Variants in TIAM1 observed in about 807,000 individuals in gnomAD.
TIAM1 encodes the protein rho guanine nucleotide exchange factor TIAM1.
A neutral mutation model predicts 163.5 loss-of-function variants in TIAM1; 65 were observed. The ratio of observed to expected loss-of-function variants is 0.40; its 90% CI spans 0.33 to 0.49. The LOEUF (loss-of-function observed/expected upper bound fraction) is 0.49. TIAM1 is among the 20% of genes least tolerant of loss of function. TIAM1 has a pLI of 0.77. For missense variants in TIAM1, 1,789 were observed against 2,044.7 expected, an observed-to-expected ratio of 0.87 and a Z score of 2.41; for synonymous variants, 833 against 810.1, an observed-to-expected ratio of 1.03 and a Z score of -0.48.
intron 2 of TIAM1, among the ~76,000 whole-genome samples, chr21:31,404,194 C>G (rs1027500247): frequency 1.3e-5 from 2 of 152,132 alleles, no homozygotes; most frequent in Non-Finnish European, 2.9e-5. Context: ...CTTGAATTAT[C>G]CTTTTATCTT....
intron 13 of TIAM1, among the ~76,000 whole-genome samples, chr21:31,188,234 C>T (rs1333237768): frequency 6.6e-6 from 1 of 152,118 alleles, no homozygotes; most frequent in African/African-American, 2.4e-5. Context: ...ACCGTAACAC[C>T]CTCAGATAGG....
At chr21:31,386,550 G>A (rs1448861995) in intron 2 of TIAM1, among the ~76,000 whole-genome samples, 1 of 152,158 alleles carries the variant, frequency 6.6e-6, no homozygotes, top group Non-Finnish European at 1.5e-5. Flanking sequence ...CAGATGGGCC[G>A]CTAAGACACC....
intron 2 of TIAM1, among the ~76,000 whole-genome samples, chr21:31,308,286 T>C (rs144358243): frequency 1.5e-3 from 225 of 152,226 alleles, no homozygotes; most frequent in African/African-American, 5.2e-3. Context: ...ATGGTTCGTC[T>C]GCATGACCTT....
Position 31,196,329 on chromosome 21 carries a change from T to TC in TIAM1, c.2494-1025dup, listed in dbSNP as rs201544756. 4.7e-3 allele frequency among the ~76,000 whole-genome samples: 709 copies of TC among 151,482 alleles called. 8 individuals carry two copies. Among genetic ancestry groups the TC allele is most frequent in the African/African-American group, 0.016 (670 of 41,264 alleles). The stretch of plus-strand genomic sequence containing the variant: ...TTTTCTTTTTTCTTTTTTTTTTTTT[T>TC]CACACGGAGTGTTGCTCTGTTGCCC... On this transcript the variant is annotated intron_variant, in intron 12 of 27. Transcript: ENST00000541036.
intron 2 of TIAM1, among the ~76,000 whole-genome samples, chr21:31,287,246 C>T (rs1215268144): frequency 4.6e-5 from 7 of 152,082 alleles, no homozygotes; most frequent in African/African-American, 1.4e-4. Context: ...TAAATAGCTA[C>T]GCTTAGGGCT....
chr21:31,405,560 A>G (rs562049763), intron 2 of TIAM1, among the ~76,000 whole-genome samples: 1 of 152,300 alleles, frequency 6.6e-6, no homozygotes, highest in Admixed American at 6.5e-5. Context: ...ACAGTTCCAC[A>G]TGGCTGGGGA....
At chr21:31,168,390 C>G (rs777507890) in intron 15 of TIAM1, among the ~76,000 whole-genome samples, 4 of 151,738 alleles carry the variant, frequency 2.6e-5, no homozygotes, top group African/African-American at 9.7e-5. Flanking sequence ...CCAGGCCCAG[C>G]CTGTTCCCTG....
intron 25 of TIAM1, 44 bp from the exon 26 acceptor site, chr21:31,127,196 G>A (rs1359958977): frequency 1.3e-6 from 2 of 1,578,132 alleles, no homozygotes; most frequent in Non-Finnish European, 8.7e-7. Context: ...TGTTTCAAGT[G>A]GATTTATTTA....
At chr21:31,394,408 T>C (rs145504916) in intron 2 of TIAM1, among the ~76,000 whole-genome samples, 127 of 152,294 alleles carry the variant, frequency 8.3e-4, no homozygotes, top group African/African-American at 2.8e-3. Flanking sequence ...ACTAATTCTG[T>C]GGGATACTAT....
rs137995214 is a variant in TIAM1 at position 31,225,115 on chromosome 21, G to C, written c.1809+611C>G. Among the ~76,000 whole-genome samples the C allele has an allele frequency of 1.2e-4, 18 of 152,056 alleles. No individual in the cohort carries two copies. The Middle Eastern group carries it at 0.01, about 86-fold the overall frequency. On this transcript the variant is annotated intron_variant, in intron 7 of 27. Transcript: ENST00000541036. ...GCCCACCGCACCCTCTGCCTCCCAG[G>C]CTCAGGCGATCCTCTCCTCTCGGCC... is the stretch of plus-strand genomic sequence containing the variant.
intron 6 of TIAM1, among the ~76,000 whole-genome samples, chr21:31,245,055 G>C (rs1468305219): frequency 6.6e-6 from 1 of 152,068 alleles, no homozygotes; most frequent in East Asian, 1.9e-4. Context: ...TCATTTCTGA[G>C]ATGTCATTAT....
At chr21:31,424,554 T>C (rs1302219277) in intron 2 of TIAM1, among the ~76,000 whole-genome samples, 1 of 152,180 alleles carries the variant, frequency 6.6e-6, no homozygotes, top group African/African-American at 2.4e-5. Context: ...AGAGAAATCC[T>C]GTGTGCTTCC....
At chr21:31,523,527 C>A (rs1210686291) in intron 1 of TIAM1, among the ~76,000 whole-genome samples, 1 of 152,200 alleles carries the variant, frequency 6.6e-6, no homozygotes, top group Non-Finnish European at 1.5e-5. Flanking sequence ...AGGGATACAG[C>A]CTGAAGCCTC....
chr21:31,310,436 T>C (rs2074881561), intron 2 of TIAM1, among the ~76,000 whole-genome samples: 1 of 152,148 alleles, frequency 6.6e-6, no homozygotes, highest in African/African-American at 2.4e-5. Flanking sequence ...ATGAAGCCAC[T>C]GAAATTCCGG....
intron 2 of TIAM1, among the ~76,000 whole-genome samples, chr21:31,400,950 G>A (rs113079578): frequency 0.081 from 12,253 of 152,112 alleles, 538 homozygotes; most frequent in Middle Eastern, 0.12. Context: ...AATTAGCTGG[G>A]CATGGTGGCA....
intron 22 of TIAM1, among the ~76,000 whole-genome samples, chr21:31,136,604 C>G (rs530985003): frequency 2.0e-5 from 3 of 151,972 alleles, no homozygotes; most frequent in Non-Finnish European, 2.9e-5. Context: ...TTTTTTTTCC[C>G]CATTTATTCC....
chr21:31,262,969 A>T (rs1431946830), intron 4 of TIAM1, among the ~76,000 whole-genome samples: 1 of 152,094 alleles, frequency 6.6e-6, no homozygotes, highest in Non-Finnish European at 1.5e-5. Context: ...TTAAAAAAGC[A>T]TTCTTTTCAA....
At chr21:31,324,519 A>G (rs1487522205) in intron 2 of TIAM1, among the ~76,000 whole-genome samples, 1 of 152,208 alleles carries the variant, frequency 6.6e-6, no homozygotes, top group East Asian at 1.9e-4. Flanking sequence ...ACTTGTCCCC[A>G]TTTATAAATG....
chr21:31,385,762 A>C (rs2076856266), intron 2 of TIAM1, among the ~76,000 whole-genome samples: 1 of 149,234 alleles, frequency 6.7e-6, no homozygotes, highest in African/African-American at 2.4e-5. Context: ...TTAAAACGTA[A>C]ATCTTATGAA....
Sources: gnomAD v4.1 joint callset for allele counts (sites outside exome capture counted in the v4.1 genomes callset) on GRCh38, gnomAD v4.1.1 for gene constraint, MANE v1.5 for transcripts, NCBI Gene and HGNC (gene_info 2026-07-23, HGNC 2026-07-21) for gene names.